GRB2: variants seen among roughly 807,000 people sequenced by gnomAD.
The protein encoded by GRB2 is growth factor receptor-bound protein 2.
GRB2 carries 2 observed loss-of-function variants against 27.4 expected under a neutral mutation model. The ratio of observed to expected loss-of-function variants is 0.07; its 90% confidence interval spans 0.03 to 0.23. The LOEUF is 0.23. Ranked by LOEUF, GRB2 falls within the 10% of genes least tolerant of loss-of-function variation. The pLI, the probability that GRB2 is intolerant of heterozygous loss-of-function variation, is 1.00. For synonymous variants in GRB2, 94 were observed against 99.6 expected, an observed-to-expected ratio of 0.94 and a Z score of 0.33; for missense variants, 102 against 282.4, an observed-to-expected ratio of 0.36 and a Z score of 4.58.
At chr17:75,375,077 G>T (rs80122748) in intron 2 of GRB2, among the ~76,000 whole-genome samples, 1,495 of 147,620 alleles carry the variant, frequency 0.01, 44 homozygotes, top group East Asian at 0.069. Flanking sequence ...AACATTTTTG[G>T]TTTTTTTTTT....
chr17:75,332,172 G>GA (rs1276875783), intron 3 of GRB2, among the ~76,000 whole-genome samples: 2 of 151,970 alleles, frequency 1.3e-5, no homozygotes. Context: ...GGTAGCTTCT[G>GA]AAAAAAAATT....
chr17:75,328,533 G>A lies in GRB2; in HGVS notation c.177-2513C>T, dbSNP rs182723535. Among the ~76,000 whole-genome samples, 400 of 152,076 alleles carry A rather than the reference G, an allele frequency of 2.6e-3. 1 individual carries two copies. The highest frequency in any genetic ancestry group is 9.1e-3 in the African/African-American group (377 of 41,490). ...CGCATGCCTGTAATCCCAGCTACTC[G>A]GGAGGCTGAGGCAGGAGAATCGCTT... On this transcript the variant is annotated intron_variant, in intron 3 of 5. Coordinates refer to ENST00000316804, the MANE Select transcript of GRB2 (RefSeq NM_002086.5).
rs1260311320 is a variant in GRB2, at chr17:75,339,045, T to C, written c.79-6248A>G. On this transcript the variant is annotated intron_variant, in intron 2 of 5. Coordinates refer to ENST00000316804, the MANE Select transcript of GRB2 (RefSeq NM_002086.5). ...AGACTGTGCTAAGGCTTGAGTGCGT[T>C]GAGCCCAACTGCAGATCTAAGAGAA... The C allele has an allele frequency of 3.9e-6, 5 of 1,271,822 alleles. No individual in the cohort carries two copies. In the Admixed American group the frequency reaches 8.4e-5, roughly 21 times the overall value. The allele number at this position is 1,271,822 out of a possible 1,614,324, so 78.8% of individuals were successfully genotyped here. A position where few individuals can be genotyped will look rare whatever the true frequency, so the allele number is the denominator to read the frequency against.
chr17:75,349,074 T>C (rs1326327980), intron 2 of GRB2, among the ~76,000 whole-genome samples: 1 of 152,186 alleles, frequency 6.6e-6, no homozygotes, highest in African/African-American at 2.4e-5. Context: ...AGTCTAGGAA[T>C]AGGGCAAGAA....
At chr17:75,375,093 C>T (rs925446829) in intron 2 of GRB2, among the ~76,000 whole-genome samples, 5 of 151,022 alleles carry the variant, frequency 3.3e-5, no homozygotes, top group South Asian at 2.1e-4. Flanking sequence ...TTTTTGTAGA[C>T]GGGGGGGTCT....
intron 2 of GRB2, among the ~76,000 whole-genome samples, chr17:75,343,207 G>A (rs1297749755): frequency 2.6e-5 from 4 of 151,956 alleles, no homozygotes; most frequent in African/African-American, 7.3e-5. Context: ...AGGATGGAGC[G>A]CTTCCTGGCA....
intron 2 of GRB2, among the ~76,000 whole-genome samples, chr17:75,359,439 G>A (rs1386800589): frequency 6.6e-6 from 1 of 151,884 alleles, no homozygotes; most frequent in Non-Finnish European, 1.5e-5. Flanking sequence ...CCAGGAGTTC[G>A]AGGTTGCAGC....
At chr17:75,359,874 A>G (rs2078767869) in intron 2 of GRB2, among the ~76,000 whole-genome samples, 1 of 152,076 alleles carries the variant, frequency 6.6e-6, no homozygotes, top group African/African-American at 2.4e-5. Context: ...AGCCTCGGCT[A>G]TTAATCTTGG....
chr17:75,388,785 T>G (rs2078981000), intron 2 of GRB2, among the ~76,000 whole-genome samples: 2 of 152,126 alleles, frequency 1.3e-5, no homozygotes, highest in Admixed American at 6.6e-5. Flanking sequence ...ATGGGACTTG[T>G]GCACTGAAAC....
chr17:75,381,781 G>GA (rs1240233954), intron 2 of GRB2, among the ~76,000 whole-genome samples: 1 of 149,682 alleles, frequency 6.7e-6, no homozygotes, highest in East Asian at 1.9e-4. Flanking sequence ...GACATGAAAT[G>GA]ATCAACACTT....
intron 2 of GRB2, among the ~76,000 whole-genome samples, chr17:75,347,788 G>A (rs534462543): frequency 1.8e-4 from 27 of 152,256 alleles, no homozygotes; most frequent in Non-Finnish European, 3.7e-4. Context: ...GAGTGTGGAG[G>A]TCCCCAGCTG....
At chr17:75,385,255 G>A (rs1338228521) in intron 2 of GRB2, among the ~76,000 whole-genome samples, 1 of 151,838 alleles carries the variant, frequency 6.6e-6, no homozygotes, top group Admixed American at 6.6e-5. Context: ...ATGAAAATAA[G>A]GCTGACCGTG....
intron 2 of GRB2, among the ~76,000 whole-genome samples, chr17:75,336,807 G>C (rs903192404): frequency 6.6e-6 from 1 of 151,932 alleles, no homozygotes; most frequent in African/African-American, 2.4e-5. Context: ...GCATGATCTC[G>C]GCTCACTGCA....
At chr17:75,394,753 A>G (rs1224800801) in intron 1 of GRB2, 1 of 152,156 alleles carries the variant, frequency 6.6e-6, no homozygotes, top group Non-Finnish European at 1.5e-5. Context: ...TCTCACAGTC[A>G]CCCTGTGCAC....
chr17:75,380,024 A>G (rs2078917657), intron 2 of GRB2, among the ~76,000 whole-genome samples: 1 of 152,272 alleles, frequency 6.6e-6, no homozygotes. Context: ...TCTAGATAGC[A>G]AGACCAGTTT....
intron 2 of GRB2, among the ~76,000 whole-genome samples, chr17:75,335,002 G>A (rs1826156284): frequency 6.6e-6 from 1 of 151,542 alleles, no homozygotes; most frequent in Non-Finnish European, 1.5e-5. Context: ...ATAGGCACTT[G>A]CCATGTTGCC....
intron 2 of GRB2, among the ~76,000 whole-genome samples, chr17:75,391,534 T>C (rs1189275685): frequency 6.6e-6 from 1 of 152,096 alleles, no homozygotes; most frequent in Non-Finnish European, 1.5e-5. Flanking sequence ...AAAGGCTGGG[T>C]GCAGTAGCTC....
intron 2 of GRB2, among the ~76,000 whole-genome samples, chr17:75,358,130 G>A (rs1171839370): frequency 1.3e-5 from 2 of 152,210 alleles, no homozygotes; most frequent in East Asian, 3.9e-4. Context: ...TTAGTCAAAG[G>A]TGAGCTCTCT....
chr17:75,357,435 A>G (rs2078740534), intron 2 of GRB2, among the ~76,000 whole-genome samples: 1 of 152,254 alleles, frequency 6.6e-6, no homozygotes, highest in South Asian at 2.1e-4. Context: ...TGTTAGTAAT[A>G]GGTGAAAGTG....
Sources: gnomAD v4.1 joint callset for allele counts (sites outside exome capture counted in the v4.1 genomes callset) on GRCh38, gnomAD v4.1.1 for gene constraint, MANE v1.5 for transcripts, NCBI Gene and HGNC (gene_info 2026-07-23, HGNC 2026-07-21) for gene names.